Variants in RYR2 observed in about 807,000 individuals in gnomAD.
RYR2 encodes the protein ryanodine receptor 2, also known as cardiac muscle ryanodine receptor-calcium release channel.
A neutral mutation model predicts 601.1 loss-of-function variants in RYR2; 227 were observed. The observed-to-expected ratio is 0.38, with a 90% confidence interval of 0.34 to 0.42. RYR2 has a LOEUF of 0.42. Ranked by LOEUF, RYR2 falls within the 10% of genes least tolerant of loss-of-function variation. RYR2 has a pLI of 1.00. For missense variants in RYR2, 4,646 were observed against 6,156.5 expected (o/e 0.75, Z 8.21); for synonymous variants, 2,223 against 2,175.1 (o/e 1.02, Z -0.61).
chr1:237,267,787 T>C (rs1689221525), intron 1 of RYR2, among the ~76,000 whole-genome samples: 1 of 152,086 alleles, frequency 6.6e-6, no homozygotes, highest in Admixed American at 6.6e-5. Flanking sequence ...ATCAATTGAG[T>C]CTCTAGAAGC....
intron 1 of RYR2, among the ~76,000 whole-genome samples, chr1:237,268,999 A>C (rs1417581062): frequency 6.7e-6 from 1 of 150,068 alleles, no homozygotes; most frequent in Non-Finnish European, 1.5e-5. Flanking sequence ...CAGGATTTTA[A>C]ATACAAATTA....
intron 14 of RYR2, among the ~76,000 whole-genome samples, chr1:237,450,915 C>T (rs1004246249): frequency 3.9e-5 from 6 of 152,026 alleles, no homozygotes; most frequent in East Asian, 1.9e-4. Flanking sequence ...ATTAAGCTTT[C>T]GTTTATTCTC....
chr1:237,307,843 T>C (rs1007854925), intron 2 of RYR2, among the ~76,000 whole-genome samples: 2 of 152,194 alleles, frequency 1.3e-5, no homozygotes, highest in African/African-American at 2.4e-5. Context: ...AATATTTTTT[T>C]AAAGTATACA....
intron 17 of RYR2, among the ~76,000 whole-genome samples, chr1:237,473,467 A>G (rs774783023): frequency 2.0e-5 from 1 of 50,960 alleles, no homozygotes; most frequent in Admixed American, 1.9e-4. Context: ...CTTTCTATCT[A>G]TCTATCTATC....
chr1:237,143,618 G>GTTTTCACCCCATGCCTGTCTTGC (rs1363402914), intron 1 of RYR2, among the ~76,000 whole-genome samples: 2 of 152,076 alleles, frequency 1.3e-5, no homozygotes, highest in African/African-American at 4.8e-5. Flanking sequence ...CCCTTGCTTG[G>GTTTTCACCCCATGCCTGTCTTGC]TTTTCACCCC....
At position 237,577,566 on chromosome 1, in the gene RYR2, G is replaced by A. The variant is rs12744665; in HGVS notation, c.3598+8247G>A. 7.9e-5 allele frequency among the ~76,000 whole-genome samples: 10 copies of A among 126,022 alleles called. No homozygotes were observed. The East Asian group carries it at 2.3e-3, about 29-fold the overall frequency. 82.7% of individuals were successfully genotyped at this position (126,022 alleles called of 152,430 possible). ...TGTGTGTGTTTGAGAGAGAGAGAGA[G>A]AAAGAGAGAGATCGATCTGGGAGTC... On this transcript the variant is annotated intron_variant, in intron 29 of 104. Coordinates refer to ENST00000366574, the MANE Select transcript of RYR2 (RefSeq NM_001035.3).
chr1:237,521,124 C>T (rs991408163), intron 24 of RYR2, among the ~76,000 whole-genome samples: 4 of 151,666 alleles, frequency 2.6e-5, no homozygotes, highest in Non-Finnish European at 5.9e-5. Flanking sequence ...TTATACCTAA[C>T]ATACATAGAA....
chr1:237,595,731 G>C, intron 34 of RYR2, 74 bp downstream of exon 34: 1 of 1,510,558 alleles, frequency 6.6e-7, no homozygotes, highest in Non-Finnish European at 8.8e-7. Flanking sequence ...AACACAGTTT[G>C]TAAGATCAAA....
chr1:237,760,868 A>G (rs1490493844), intron 83 of RYR2, 87 bp from the exon 84 acceptor site: 3 of 797,542 alleles, frequency 3.8e-6, no homozygotes, highest in African/African-American at 3.5e-5. Flanking sequence ...ATCTTCCAAG[A>G]TATATGGTGT....
Position 237,330,876 on chromosome 1 carries a change from A to G in RYR2, c.169-2A>G. ...CTGACTGCTCTTCCTCTTTCTGTGC[A>G]GAATGTGCCCCCAGACCTCTCCATC... On this transcript the variant is annotated splice_acceptor_variant, in intron 2 of 104. Transcript: ENST00000366574. LOFTEE classifies it high-confidence loss of function. 6.2e-7 allele frequency: 1 copy of G among 1,613,442 alleles called. No homozygotes were observed.
chr1:237,192,750 G>A (rs1371125225), intron 1 of RYR2, among the ~76,000 whole-genome samples: 2 of 152,162 alleles, frequency 1.3e-5, no homozygotes, highest in Non-Finnish European at 2.9e-5. Flanking sequence ...CGTAACTTAA[G>A]TATAGCTTAC....
chr1:237,478,025 A>G (rs541379126), intron 17 of RYR2, among the ~76,000 whole-genome samples: 1 of 152,328 alleles, frequency 6.6e-6, no homozygotes, highest in South Asian at 2.1e-4. Flanking sequence ...AGAGGTGACC[A>G]GGATGAGGTC....
At chr1:237,665,385 G>T (rs1033272394) in intron 56 of RYR2, among the ~76,000 whole-genome samples, 1 of 135,708 alleles carries the variant, frequency 7.4e-6, no homozygotes, top group South Asian at 2.4e-4. Flanking sequence ...GTGACAGAGC[G>T]AGACTCTGTC....
intron 11 of RYR2, among the ~76,000 whole-genome samples, chr1:237,417,324 G>A (rs1006703159): frequency 1.3e-4 from 20 of 151,810 alleles, no homozygotes; most frequent in African/African-American, 4.1e-4. Context: ...TCACCAGCTA[G>A]CAAACCTGAG....
At chr1:237,711,151 G>A (rs1178513868) in intron 70 of RYR2, among the ~76,000 whole-genome samples, 1 of 152,140 alleles carries the variant, frequency 6.6e-6, no homozygotes, top group East Asian at 1.9e-4. Context: ...TCAGATGAAT[G>A]TCTAATCATA....
intron 1 of RYR2, among the ~76,000 whole-genome samples, chr1:237,140,384 T>A (rs1387182725): frequency 6.6e-6 from 1 of 152,166 alleles, no homozygotes; most frequent in African/African-American, 2.4e-5. Flanking sequence ...GCCATGCAAA[T>A]TTATTATTAA....
At chr1:237,071,060 C>T (rs368119603) in intron 1 of RYR2, among the ~76,000 whole-genome samples, 4 of 152,154 alleles carry the variant, frequency 2.6e-5, no homozygotes, top group African/African-American at 4.8e-5. Context: ...TCTAGTCCAG[C>T]GTCTGGGAAG....
chr1:237,717,015 A>G (rs563678599), intron 71 of RYR2, among the ~76,000 whole-genome samples, 183 bp from the exon 72 acceptor site: 4 of 152,148 alleles, frequency 2.6e-5, no homozygotes, highest in African/African-American at 2.4e-5. Context: ...TGAGGGTAGG[A>G]CTTGAAATCA....
rs762642346 is a variant in RYR2, at chr1:237,387,406, G to C, written c.676+26G>C. 5 of 1,592,954 alleles carry C rather than the reference G, an allele frequency of 3.1e-6. No individual in the cohort carries two copies. The African/African-American group carries it at 6.7e-5, about 21-fold the overall frequency. On this transcript the variant is annotated intron_variant, in intron 9 of 104. Transcript: ENST00000366574. ...GTAAAAACTCCACTTCAATTAGAGG[G>C]CCTGTCCTTGCTGCAAAGTTGACAG...
Sources: gnomAD v4.1 joint callset for allele counts (sites outside exome capture counted in the v4.1 genomes callset) on GRCh38, gnomAD v4.1.1 for gene constraint, MANE v1.5 for transcripts, NCBI Gene and HGNC (gene_info 2026-07-23, HGNC 2026-07-21) for gene names.